The following R3HCC1L variants were observed in gnomAD, a reference collection of about 807,000 sequenced individuals.
R3HCC1L encodes coiled-coil domain-containing protein R3HCC1L.
A neutral mutation model predicts 59.9 loss-of-function variants in R3HCC1L; 51 were observed. The observed-to-expected ratio is 0.85, with a 90% CI of 0.68 to 1.07. The LOEUF (loss-of-function observed/expected upper bound fraction) is 1.07, where lower values mean the gene tolerates loss of function less well. Ranked by LOEUF, R3HCC1L falls within the 50% of genes least tolerant of loss-of-function variation. The probability of loss-of-function intolerance (pLI) is 0.00; values close to 1 mark genes in which losing one functional copy is unlikely to be tolerated. For missense variants in R3HCC1L, 965 were observed against 933.0 expected, an observed-to-expected ratio of 1.03 and a Z score of -0.45; for synonymous variants, 322 against 315.2, an observed-to-expected ratio of 1.02 and a Z score of -0.23.
At chr10:98,157,154 C>G (rs1354368444) in intron 2 of R3HCC1L, among the ~76,000 whole-genome samples, 1 of 152,140 alleles carries the variant, frequency 6.6e-6, no homozygotes, top group African/African-American at 2.4e-5. Context: ...TCATTTGGAT[C>G]TTTTCACTGG....
At chr10:98,185,891 C>G (rs941195544) in intron 4 of R3HCC1L, among the ~76,000 whole-genome samples, 2 of 152,142 alleles carry the variant, frequency 1.3e-5, no homozygotes, top group African/African-American at 4.8e-5. Flanking sequence ...TAGGTTACCT[C>G]AGTAATCCAG....
chr10:98,146,969 T>C (rs988205947), intron 1 of R3HCC1L, among the ~76,000 whole-genome samples: 1 of 152,218 alleles, frequency 6.6e-6, no homozygotes, highest in African/African-American at 2.4e-5. Context: ...TTTTCATTTT[T>C]TGAGGAGCCT....
chr10:98,160,781 C>G (rs1291478476), intron 2 of R3HCC1L, among the ~76,000 whole-genome samples: 1 of 152,188 alleles, frequency 6.6e-6, no homozygotes, highest in Non-Finnish European at 1.5e-5. Context: ...TTCCTTCTGT[C>G]CTTCACACTC....
intron 4 of R3HCC1L, among the ~76,000 whole-genome samples, chr10:98,207,265 A>T (rs1852798890): frequency 6.6e-6 from 1 of 152,228 alleles, no homozygotes; most frequent in Non-Finnish European, 1.5e-5. Context: ...AATTAAAAGA[A>T]TAATTCAATA....
chr10:98,179,998 CA>C (rs1564654791), intron 4 of R3HCC1L, among the ~76,000 whole-genome samples: 1 of 152,056 alleles, frequency 6.6e-6, no homozygotes, highest in African/African-American at 2.4e-5. Flanking sequence ...TTGACCTTTT[CA>C]AAAAACCAGC....
At chr10:98,146,893 T>C (rs1165925280) in intron 1 of R3HCC1L, among the ~76,000 whole-genome samples, 1 of 152,236 alleles carries the variant, frequency 6.6e-6, no homozygotes, top group African/African-American at 2.4e-5. Flanking sequence ...CTCTTTAATA[T>C]ATTGATTTCC....
At chr10:98,234,828 T>G (rs1254458565) in intron 7 of R3HCC1L, among the ~76,000 whole-genome samples, 1 of 150,186 alleles carries the variant, frequency 6.7e-6, no homozygotes, top group East Asian at 1.9e-4. Context: ...ATATTGGTGA[T>G]TTTTTTTTTC....
Position 98,208,128 on chromosome 10 carries a change from CAG to C in R3HCC1L, c.20_21del (p.Arg7MetfsTer4). The stretch of plus-strand genomic sequence containing the variant: ...TGTGGTGGTGCCATGCAGCAAGAAT[CAG>C]AGAGATGCAGAGTTAGAGCCAGAAG... On this transcript the variant is annotated frameshift_variant, in exon 5 of 10. Transcript: ENST00000298999. LOFTEE classifies it high-confidence loss of function. The C allele has an allele frequency of 1.2e-6, 2 of 1,610,254 alleles. No homozygotes were observed. The highest frequency in any genetic ancestry group is 1.7e-6 in the Non-Finnish European group (2 of 1,178,552).
intron 4 of R3HCC1L, among the ~76,000 whole-genome samples, chr10:98,167,938 G>T (rs946201407): frequency 4.6e-5 from 7 of 152,178 alleles, no homozygotes; most frequent in Admixed American, 4.6e-4. Flanking sequence ...AAGAGGAAAA[G>T]AAATCAAGTT....
chr10:98,209,299 T>C lies in R3HCC1L; in HGVS notation c.1185T>C (p.Tyr395=), dbSNP rs201706887. 3.7e-6 allele frequency: 6 copies of C among 1,613,954 alleles called. No individual in the cohort carries two copies. Among genetic ancestry groups the C allele is most frequent in the South Asian group, 1.1e-5 (1 of 91,066 alleles). Residue 395 remains tyrosine (Y), a synonymous_variant, in exon 5 of 10, where the codon TAT becomes TAC. Coordinates refer to ENST00000298999, the MANE Select transcript of R3HCC1L (RefSeq NM_001351015.2). ...CSDHVTVDSP[Y]VVAVRIADET... is the part of the protein sequence containing the mutation. ...ATCATGTAACTGTTGATAGCCCTTA[T>C]GTAGTTGCAGTTAGAATAGCTGATG...
In R3HCC1L at chr10:98,235,467, G is replaced by A. The variant is rs762981081; in HGVS notation, c.2075G>A (p.Arg692His). The change falls in exon 8 of 10, where the codon CGT becomes CAT. Residue 692 changes from arginine to histidine, a missense_variant. Transcript: ENST00000298999. ...LGIKHTMVKIRPLSQATRAAK... is the reference protein window; with the variant it reads ...LGIKHTMVKIHPLSQATRAAK... ...ATTAAACACACCATGGTGAAGATTC[G>A]TCCCTTGTCACAGGCCACAAGAGCA... 1.7e-5 allele frequency: 27 copies of A among 1,613,488 alleles called. No homozygotes were observed. Among genetic ancestry groups the A allele is most frequent in the Middle Eastern group, 3.3e-4 (2 of 6,078 alleles).
chr10:98,223,957 C>G (rs1231800358), intron 5 of R3HCC1L, among the ~76,000 whole-genome samples: 1 of 152,082 alleles, frequency 6.6e-6, no homozygotes, highest in Non-Finnish European at 1.5e-5. Context: ...AGTGGGCTAT[C>G]CCTCTGGCTC....
At chr10:98,195,322 C>A (rs1397937148) in intron 4 of R3HCC1L, among the ~76,000 whole-genome samples, 3 of 152,008 alleles carry the variant, frequency 2.0e-5, no homozygotes, top group Non-Finnish European at 2.9e-5. Context: ...AGGAATTGTT[C>A]AGTGAGTGTA....
At chr10:98,162,698 C>CTG (rs138588838) in intron 2 of R3HCC1L, among the ~76,000 whole-genome samples, 185 bp from the exon 3 acceptor site, 32 of 150,404 alleles carry the variant, frequency 2.1e-4, no homozygotes, top group East Asian at 5.9e-4. Context: ...GTGTGTGTCT[C>CTG]TGTGTGTGTG....
Position 98,208,373 on chromosome 10 carries a change from A to C in R3HCC1L, c.259A>C (p.Lys87Gln). 2 of 1,614,036 alleles carry C rather than the reference A, an allele frequency of 1.2e-6. No individual in the cohort carries two copies. The highest frequency in any genetic ancestry group is 1.1e-5 in the South Asian group (1 of 91,066). Residue 87 changes from lysine (K) to glutamine (Q), a missense_variant, in exon 5 of 10, where the codon AAA (lysine) becomes CAA (glutamine). Lys to Gln is a moderately conservative substitution (Grantham distance 53, BLOSUM62 1). Coordinates refer to ENST00000298999, the MANE Select transcript of R3HCC1L (RefSeq NM_001351015.2). Reference sequence around the variant, plus strand: ...GGAGCATAATTGTAGAGAAGAAAAGAAATCTTCAACAAAATTAAGAATGGA... The same window carrying C: ...GGAGCATAATTGTAGAGAAGAAAAGCAATCTTCAACAAAATTAAGAATGGA... ...RKEHNCREEK[K>Q]SSTKLRMDTC...
Position 98,209,799 on chromosome 10 carries a change from CTG to C in R3HCC1L, c.1686_1687del (p.Glu563AsnfsTer11), listed in dbSNP as rs1409522555. The C allele has an allele frequency of 6.2e-7, 1 of 1,613,898 alleles. No individual in the cohort carries two copies. Among genetic ancestry groups the C allele is most frequent in the South Asian group, 1.1e-5 (1 of 91,054 alleles). On this transcript the variant is annotated frameshift_variant, in exon 5 of 10. Coordinates refer to ENST00000298999, the MANE Select transcript of R3HCC1L (RefSeq NM_001351015.2). LOFTEE classifies it high-confidence loss of function. ...GAAACATCCATCGAACCAAAAGCAA[CTG>C]AAACTTCTCACACAGAGGGAATTAC...
At chr10:98,178,640 A>G (rs1849296099) in intron 4 of R3HCC1L, among the ~76,000 whole-genome samples, 1 of 151,994 alleles carries the variant, frequency 6.6e-6, no homozygotes, top group African/African-American at 2.4e-5. Context: ...CATTGAATCT[A>G]TAAATTACCT....
Position 98,208,327 on chromosome 10 carries a change from A to G in R3HCC1L, c.213A>G (p.Leu71=), listed in dbSNP as rs780159397. 1.9e-6 allele frequency: 3 copies of G among 1,614,202 alleles called. No homozygotes were observed. The East Asian group carries it at 6.7e-5, about 36-fold the overall frequency. The change falls in exon 5 of 10, where the codon CTA becomes CTG. Residue 71 remains leucine (L), a synonymous_variant. Transcript: ENST00000298999. ...AAGACAAACCGGAGGCTCGAAGACT[A>G]AATATCAATCCTGATAGAAAGGAGC... ...VFKDKPEARR[L]NINPDRKEHN...
chr10:98,223,410 G>C (rs995111643), intron 5 of R3HCC1L, among the ~76,000 whole-genome samples: 1 of 151,910 alleles, frequency 6.6e-6, no homozygotes, highest in Non-Finnish European at 1.5e-5. Context: ...AATAATTACT[G>C]TGTTCTTTTG....
Sources: gnomAD v4.1 joint callset for allele counts (sites outside exome capture counted in the v4.1 genomes callset) on GRCh38, gnomAD v4.1.1 for gene constraint, MANE v1.5 for transcripts, NCBI Gene and HGNC (gene_info 2026-07-23, HGNC 2026-07-21) for gene names.